ESYT2: variants seen among roughly 807,000 people sequenced by gnomAD.
ESYT2 encodes extended synaptotagmin 2.
A neutral mutation model predicts 107.2 loss-of-function variants in ESYT2; 54 were observed. The observed-to-expected ratio is 0.50, with a 90% CI of 0.40 to 0.63. ESYT2 has a LOEUF of 0.63. ESYT2 is among the 30% of genes least tolerant of loss of function. The probability of loss-of-function intolerance (pLI) is 0.00; values close to 1 mark genes in which losing one functional copy is unlikely to be tolerated. For missense variants in ESYT2, 1,020 were observed against 1,094.5 expected, an observed-to-expected ratio of 0.93 and a Z score of 0.96; for synonymous variants, 491 against 434.1, an observed-to-expected ratio of 1.13 and a Z score of -1.63.
chr7:158,826,933 G>A (rs924300526), intron 1 of ESYT2, among the ~76,000 whole-genome samples: 1 of 151,850 alleles, frequency 6.6e-6, no homozygotes, highest in Non-Finnish European at 1.5e-5. Context: ...GGGAGGCCAA[G>A]GCAGGCGGAA....
intron 18 of ESYT2, among the ~76,000 whole-genome samples, chr7:158,739,536 T>C (rs13242285): frequency 0.24 from 35,935 of 151,808 alleles, 5,107 homozygotes; most frequent in East Asian, 0.59. Flanking sequence ...TTAGTAGAGA[T>C]GGGGTTTCAC....
intron 6 of ESYT2, among the ~76,000 whole-genome samples, chr7:158,775,387 C>A (rs1478784469): frequency 6.6e-6 from 1 of 151,512 alleles, no homozygotes; most frequent in Non-Finnish European, 1.5e-5. Context: ...GCATGCCACA[C>A]TGTTTGATAG....
At chr7:158,816,603 T>C (rs965970570) in intron 1 of ESYT2, among the ~76,000 whole-genome samples, 1 of 152,160 alleles carries the variant, frequency 6.6e-6, no homozygotes, top group Non-Finnish European at 1.5e-5. Context: ...CCAGAACCCT[T>C]AAAAGATAAG....
chr7:158,741,063 A>G, intron 18 of ESYT2, among the ~76,000 whole-genome samples: 1 of 152,234 alleles, frequency 6.6e-6, no homozygotes, highest in South Asian at 2.1e-4. Context: ...GAGCCAACAC[A>G]GACATCCGAA....
At chr7:158,811,073 T>G (rs1265565174) in intron 1 of ESYT2, among the ~76,000 whole-genome samples, 1 of 145,860 alleles carries the variant, frequency 6.9e-6, no homozygotes, top group East Asian at 2.4e-4. Context: ...GGTGGGAGGA[T>G]CACTTGAGCC....
intron 3 of ESYT2, among the ~76,000 whole-genome samples, chr7:158,794,520 A>G (rs1184715580): frequency 6.6e-6 from 1 of 152,156 alleles, no homozygotes; most frequent in East Asian, 1.9e-4. Context: ...ACTGGGCACA[A>G]TGGCTCAAAG....
chr7:158,782,489 T>TGAGAACAGTGAGAG (rs1838932049), intron 6 of ESYT2, among the ~76,000 whole-genome samples: 1 of 150,600 alleles, frequency 6.6e-6, no homozygotes, highest in African/African-American at 2.4e-5. Context: ...GTGAGAGGTG[T>TGAGAACAGTGAGAG]GTGTGAAACA....
chr7:158,743,178 T>C (rs1268818684), intron 17 of ESYT2, among the ~76,000 whole-genome samples: 2 of 152,234 alleles, frequency 1.3e-5, no homozygotes, highest in Non-Finnish European at 2.9e-5. Context: ...TTTGAAAAGT[T>C]AAGACTTAGG....
intron 1 of ESYT2, among the ~76,000 whole-genome samples, chr7:158,825,753 G>A (rs181062819): frequency 8.5e-4 from 129 of 152,300 alleles, no homozygotes; most frequent in African/African-American, 2.6e-3. Context: ...ACTCTGCCAT[G>A]AATTCACGGT....
At chr7:158,746,034 T>C (rs62478935) in intron 16 of ESYT2, among the ~76,000 whole-genome samples, 39,596 of 151,474 alleles carry the variant, frequency 0.26, 6,562 homozygotes, top group East Asian at 0.66. Context: ...AACAAAAAAT[T>C]GGTTAAGAAA....
chr7:158,764,764 G>A lies in ESYT2; in HGVS notation c.1014C>T (p.Pro338=), dbSNP rs373529597. 7 of 1,614,178 alleles carry A rather than the reference G, an allele frequency of 4.3e-6. No homozygotes were observed. The highest frequency in any genetic ancestry group is 4.0e-5 in the African/African-American group (3 of 75,064). The change falls in exon 9 of 23, where the codon CCC becomes CCT. Residue 338 remains proline, a synonymous_variant. Transcript: ENST00000275418. The part of the protein sequence containing the change: ...LKGLVKGKSD[P]YGIIRVGNQI... ...GGTTGCCAACTCTAATGATTCCATA[G>A]GGGTCTGACTTTCCCTTGACAAGTC...
intron 1 of ESYT2, among the ~76,000 whole-genome samples, chr7:158,827,308 T>C (rs985113968): frequency 6.6e-6 from 1 of 152,208 alleles, no homozygotes; most frequent in Non-Finnish European, 1.5e-5. Context: ...AACATTGCTA[T>C]GTTATCAATA....
At chr7:158,822,513 G>GCACT (rs1194005675) in intron 1 of ESYT2, among the ~76,000 whole-genome samples, 2 of 152,162 alleles carry the variant, frequency 1.3e-5, no homozygotes, top group African/African-American at 4.8e-5. Flanking sequence ...TGTAATCAGA[G>GCACT]CACTTCAGAA....
intron 1 of ESYT2, among the ~76,000 whole-genome samples, chr7:158,820,935 C>G (rs1840270657): frequency 6.6e-6 from 1 of 152,152 alleles, no homozygotes; most frequent in African/African-American, 2.4e-5. Flanking sequence ...TCACTAGCAC[C>G]TAACACAGTA....
chr7:158,749,710 A>G lies in ESYT2; in HGVS notation c.1496T>C (p.Ile499Thr). 1.2e-6 allele frequency: 2 copies of G among 1,613,956 alleles called. No individual in the cohort carries two copies. The highest frequency in any genetic ancestry group is 2.2e-5 in the South Asian group (2 of 91,052). ...VQRALKSGKK[I>T]SSNPNPVVQM... ...GACAACAGGATTTGGGTTGCTGCTTATTTTCTTCCCTGACTACCCAAAACA... is the reference window on the plus strand; with the variant it reads ...GACAACAGGATTTGGGTTGCTGCTTGTTTTCTTCCCTGACTACCCAAAACA... The change falls in exon 15 of 23, where the codon ATA (isoleucine) becomes ACA (threonine). Residue 499 changes from isoleucine to threonine, a missense_variant. Ile to Thr is a moderately conservative substitution (Grantham distance 89, BLOSUM62 -1). Transcript: ENST00000275418.
At chr7:158,782,169 TGA>T (rs1403591886) in intron 6 of ESYT2, among the ~76,000 whole-genome samples, 4 of 142,614 alleles carry the variant, frequency 2.8e-5, no homozygotes, top group African/African-American at 1.1e-4. Context: ...GTGAGAACAG[TGA>T]GGTGTGAGTG....
chr7:158,797,869 A>AAT, intron 3 of ESYT2, 73 bp downstream of exon 3: 2 of 1,557,340 alleles, frequency 1.3e-6, no homozygotes, highest in Non-Finnish European at 1.7e-6. Context: ...AAAAAAAAAA[A>AAT]GAAAATGTGT....
intron 6 of ESYT2, among the ~76,000 whole-genome samples, chr7:158,785,467 AAATAAATC>A (rs752403983): frequency 1.4e-4 from 19 of 136,976 alleles, no homozygotes; most frequent in African/African-American, 3.8e-4. Context: ...ATAAATAAAT[AAATAAATC>A]ACCTCCAGTG....
chr7:158,780,810 C>T (rs1838752568), intron 6 of ESYT2, among the ~76,000 whole-genome samples: 1 of 152,116 alleles, frequency 6.6e-6, no homozygotes, highest in Non-Finnish European at 1.5e-5. Flanking sequence ...CAAAGGGGTC[C>T]CCATGTTCAA....
Sources: gnomAD v4.1 joint callset for allele counts (sites outside exome capture counted in the v4.1 genomes callset) on GRCh38, gnomAD v4.1.1 for gene constraint, MANE v1.5 for transcripts, NCBI Gene and HGNC (gene_info 2026-07-23, HGNC 2026-07-21) for gene names.